The following C1QBP variants were observed in gnomAD, a reference collection of about 807,000 sequenced individuals.
C1QBP encodes the protein complement component 1 Q subcomponent-binding protein, mitochondrial.
Under a neutral mutation model 29.4 loss-of-function variants are expected in C1QBP, and 24 were observed. That is an observed-to-expected ratio of 0.82 (90% CI 0.59 to 1.15). C1QBP has a LOEUF of 1.15. Ranked by LOEUF, C1QBP falls within the 50% of genes most tolerant of loss-of-function variation. The probability of loss-of-function intolerance (pLI) is 0.00; values close to 1 mark genes in which losing one functional copy is unlikely to be tolerated. For missense variants in C1QBP, 337 were observed against 355.8 expected, an observed-to-expected ratio of 0.95 and a Z score of 0.43; for synonymous variants, 182 against 149.2, an observed-to-expected ratio of 1.22 and a Z score of -1.60.
Position 5,439,077 on chromosome 17 carries a change from G to A in C1QBP, c.-4C>T, listed in dbSNP as rs141751568. Reference sequence around the variant, plus strand: ...CGCAGCGCAGCAGAGGCAGCATCGCGGAAACGACTGCGAACACGTGCAGAT... The same window carrying A: ...CGCAGCGCAGCAGAGGCAGCATCGCAGAAACGACTGCGAACACGTGCAGAT... On this transcript the variant is annotated 5_prime_UTR_variant, in exon 1 of 6. Coordinates refer to ENST00000225698, the MANE Select transcript of C1QBP (RefSeq NM_001212.4). 175 of 1,540,246 alleles carry A rather than the reference G, an allele frequency of 1.1e-4. 1 individual carries two copies. In the African/African-American group the frequency reaches 2.1e-3, roughly 19 times the overall value.
chr17:5,433,039 G>C lies in C1QBP; in HGVS notation c.825C>G (p.Leu275=), dbSNP rs1310436701. Residue 275 remains leucine (L), a synonymous_variant, in exon 6 of 6, where the codon CTC becomes CTG. Transcript: ENST00000225698. ...TCTACTGGCTCTTGACAAAACTCTT[G>C]AGGTCTTCAAGAAAAGTAATGTACT... ...HQEYITFLED[L]KSFVKSQ The C allele has an allele frequency of 6.2e-7, 1 of 1,613,498 alleles. No homozygotes were observed. The highest frequency in any genetic ancestry group is 8.5e-7 in the Non-Finnish European group (1 of 1,179,872).
chr17:5,435,874 C>CAAAA (rs200057698), intron 2 of C1QBP, among the ~76,000 whole-genome samples: 2 of 105,634 alleles, frequency 1.9e-5, no homozygotes, highest in Non-Finnish European at 1.9e-5. Context: ...CTAAAAAATA[C>CAAAA]AAAAAAAAAA....
chr17:5,438,400 A>T, intron 1 of C1QBP, 127 bp from the exon 2 acceptor site: 1 of 1,189,888 alleles, frequency 8.4e-7, no homozygotes, highest in South Asian at 1.6e-5. Flanking sequence ...GTTACTCTAG[A>T]AGCCTGTTTC....
intron 3 of C1QBP, 198 bp from the exon 4 acceptor site, chr17:5,433,965 T>G: frequency 5.0e-6 from 3 of 603,716 alleles, no homozygotes; most frequent in Middle Eastern, 8.5e-4. Flanking sequence ...AATAACACAC[T>G]GGGTTTTCAG....
At chr17:5,433,533 C>G in intron 4 of C1QBP, 118 bp from the exon 5 acceptor site, 3 of 1,512,458 alleles carry the variant, frequency 2.0e-6, no homozygotes, top group Non-Finnish European at 2.7e-6. Flanking sequence ...TTCCCTCACT[C>G]CCCACCTCTC....
chr17:5,435,774 A>AATCCC (rs1916252136), intron 2 of C1QBP, among the ~76,000 whole-genome samples: 1 of 151,640 alleles, frequency 6.6e-6, no homozygotes, highest in Admixed American at 6.6e-5. Flanking sequence ...TCACGCCTGT[A>AATCCC]ATCCCAGCAC....
chr17:5,433,220 C>G (rs1412795775), intron 5 of C1QBP, 56 bp from the exon 6 acceptor site: 2 of 1,609,194 alleles, frequency 1.2e-6, no homozygotes, highest in African/African-American at 1.3e-5. Context: ...CATTAAAATG[C>G]TTTTTTCTCC....
At position 5,438,997 on chromosome 17, in the gene C1QBP, G is replaced by T; in HGVS notation, c.77C>A (p.Ser26Ter). 2.0e-6 allele frequency: 3 copies of T among 1,480,818 alleles called. No individual in the cohort carries two copies. Among genetic ancestry groups the T allele is most frequent in the Non-Finnish European group, 2.7e-6 (3 of 1,117,922 alleles). 91.7% of individuals were successfully genotyped at this position (1,480,818 alleles called of 1,614,324 possible). The change falls in exon 1 of 6, where the codon TCG (serine) becomes TAG (stop). Residue 26 changes from serine (S) to a stop codon, truncating the protein, a stop_gained. Transcript: ENST00000225698. LOFTEE classifies it high-confidence loss of function. ...CGGCTGCAGGAGCTGCCGGAAAGGC[G>T]AGGCGGGCGCGGCAGCGCGGAGGCC... ...VAGLRAAAPA[S>*]PFRQLLQPAP...
At chr17:5,436,973 C>T (rs1279113961) in intron 2 of C1QBP, among the ~76,000 whole-genome samples, 2 of 152,148 alleles carry the variant, frequency 1.3e-5, no homozygotes, top group Non-Finnish European at 2.9e-5. Flanking sequence ...CACCACTGCA[C>T]TCCATCCTGG....
chr17:5,433,671 C>CA lies in C1QBP; in HGVS notation c.573dup (p.Glu192Ter). On this transcript the variant is annotated frameshift_variant, in exon 4 of 6. Coordinates refer to ENST00000225698, the MANE Select transcript of C1QBP (RefSeq NM_001212.4). LOFTEE classifies it high-confidence loss of function. ...GGCTAGCACTCCATCCTGCATACCT[C>CA]ATCCTCTGGATAATGACAGTCCAAC... The CA allele has an allele frequency of 6.2e-7, 1 of 1,614,078 alleles. No homozygotes were observed. The highest frequency in any genetic ancestry group is 2.2e-5 in the East Asian group (1 of 44,894).
chr17:5,433,349 C>G lies in C1QBP; in HGVS notation c.643G>C (p.Gly215Arg), dbSNP rs115819590. ...TTAGTATCCTTCCATTCAGACTCGC[C>G]AGTGGACTGAAAGCTAACTTCCCTG... is the stretch of plus-strand genomic sequence containing the variant. ...SIREVSFQSTGESEWKDTNYT... is the reference protein window; with the variant it reads ...SIREVSFQSTRESEWKDTNYT... Residue 215 changes from glycine (G) to arginine (R), a missense_variant, in exon 5 of 6, where the codon GGC (glycine) becomes CGC (arginine). Physicochemically the swap from Gly to Arg is moderately radical, Grantham distance 125 (BLOSUM62 -2). Transcript: ENST00000225698. The G allele has an allele frequency of 6.2e-7, 1 of 1,614,022 alleles. No homozygotes were observed. Among genetic ancestry groups the G allele is most frequent in the African/African-American group, 1.3e-5 (1 of 74,898 alleles).
In C1QBP at chr17:5,433,765, A is replaced by C; in HGVS notation, c.480T>G (p.Pro160=). ...CGAAATTGGGAGTTGATGTCAGTTC[A>C]GGCTGGGGAAACAAGAAGTCAATAC... ...SQGQKVEEQE[P]ELTSTPNFVV... is the part of the protein sequence containing the mutation. The change falls in exon 4 of 6, where the codon CCT becomes CCG. Residue 160 remains proline (P), a splice_region_variant and synonymous_variant. Coordinates refer to ENST00000225698, the MANE Select transcript of C1QBP (RefSeq NM_001212.4). 1 of 1,614,006 alleles carries C rather than the reference A, an allele frequency of 6.2e-7. No homozygotes were observed. The highest frequency in any genetic ancestry group is 8.5e-7 in the Non-Finnish European group (1 of 1,179,838).
At position 5,434,959 on chromosome 17, in the gene C1QBP, C is replaced by T. The variant is rs1442924064; in HGVS notation, c.391G>A (p.Val131Ile). ...VRKVAGEKIT[V>I]TFNINNSIPP... Reference sequence around the variant, plus strand: ...ATGCTGTTGTTAATGTTGAAAGTGACCGTGATTCTAAAACGGCAAGGGAAA... The same window carrying T: ...ATGCTGTTGTTAATGTTGAAAGTGATCGTGATTCTAAAACGGCAAGGGAAA... The change falls in exon 3 of 6, where the codon GTC (valine) becomes ATC (isoleucine). Residue 131 changes from valine to isoleucine, a missense_variant. By Grantham distance (29) the Val-to-Ile change is conservative. Transcript: ENST00000225698. The T allele has an allele frequency of 6.8e-6, 11 of 1,613,862 alleles. No homozygotes were observed. The highest frequency in any genetic ancestry group is 8.5e-6 in the Non-Finnish European group (10 of 1,179,828).
intron 4 of C1QBP, 57 bp downstream of exon 4, chr17:5,433,610 TCC>T (rs1916171281): frequency 1.1e-5 from 17 of 1,568,984 alleles, no homozygotes; most frequent in Middle Eastern, 3.4e-4. Flanking sequence ...GACAGGAAGT[TCC>T]CAAGGGACAC....
intron 1 of C1QBP, 160 bp from the exon 2 acceptor site, chr17:5,438,433 T>C (rs751995156): frequency 1.1e-6 from 1 of 917,170 alleles, no homozygotes; most frequent in Non-Finnish European, 1.6e-6. Flanking sequence ...AATACCATAA[T>C]AGTAGTAGGA....
In C1QBP at chr17:5,436,220, G is replaced by A. The variant is rs776775332; in HGVS notation, c.384-1254C>T. 1.5e-4 allele frequency among the ~76,000 whole-genome samples: 23 copies of A among 151,098 alleles called. 1 individual carries two copies. The highest frequency in any genetic ancestry group is 2.6e-4 in the Non-Finnish European group (18 of 67,998). On this transcript the variant is annotated intron_variant, in intron 2 of 5. Transcript: ENST00000225698. The stretch of plus-strand genomic sequence containing the variant: ...CTCCTGGGCACAGAAATTGAATGAC[G>A]TTCATCAGAGCATTATTTTTAATGG...
rs1323121768 is a variant in C1QBP, at chr17:5,439,045, C to G, written c.29G>C (p.Arg10Pro). 3 of 1,526,800 alleles carry G rather than the reference C, an allele frequency of 2.0e-6. No homozygotes were observed. In the Admixed American group the frequency reaches 6.1e-5, roughly 31 times the overall value. The allele number at this position is 1,526,800 out of a possible 1,614,324, so 94.6% of individuals were successfully genotyped here. A position where few individuals can be genotyped will look rare whatever the true frequency, so the allele number is the denominator to read the frequency against. ...GCCGGCGACGGAGGAGCCCAGCACACGGGGCACGCAGCGCAGCAGAGGCAG... is the reference window on the plus strand; with the variant it reads ...GCCGGCGACGGAGGAGCCCAGCACAGGGGGCACGCAGCGCAGCAGAGGCAG... MLPLLRCVP[R>P]VLGSSVAGLR... is the part of the protein sequence containing the mutation. Residue 10 changes from arginine to proline, a missense_variant, in exon 1 of 6, where the codon CGT becomes CCT. Arg to Pro is a moderately radical substitution (Grantham distance 103). Coordinates refer to ENST00000225698, the MANE Select transcript of C1QBP (RefSeq NM_001212.4).
chr17:5,434,757 G>A (rs971809861), intron 3 of C1QBP, 116 bp downstream of exon 3: 85 of 873,444 alleles, frequency 9.7e-5, no homozygotes, highest in South Asian at 5.7e-4. Context: ...TGAGCCATGC[G>A]ACTGGACTTA....
intron 2 of C1QBP, among the ~76,000 whole-genome samples, chr17:5,437,298 T>C (rs1452732418): frequency 1.3e-5 from 2 of 152,200 alleles, no homozygotes; most frequent in African/African-American, 4.8e-5. Context: ...TTTAAAAAAA[T>C]TACATACACA....
Sources: allele counts gnomAD v4.1 joint callset (sites outside exome capture counted in the v4.1 genomes callset), GRCh38; gene constraint gnomAD v4.1.1; transcripts MANE v1.5; gene names NCBI Gene and HGNC (gene_info 2026-07-23, HGNC 2026-07-21).